Variants in CPEB3 observed in about 807,000 individuals in gnomAD.
CPEB3 encodes cytoplasmic polyadenylation element-binding protein 3.
In CPEB3, 20 loss-of-function variants were observed where a neutral mutation model predicts 67.2. That is an observed-to-expected ratio of 0.30 (90% CI 0.21 to 0.43). CPEB3 has a LOEUF of 0.43. CPEB3 is among the 20% of genes least tolerant of loss of function. The probability of loss-of-function intolerance (pLI) is 1.00; values close to 1 mark genes in which losing one functional copy is unlikely to be tolerated. For missense variants in CPEB3, 746 were observed against 968.6 expected, an observed-to-expected ratio of 0.77 and a Z score of 3.05; for synonymous variants, 376 against 393.1, an observed-to-expected ratio of 0.96 and a Z score of 0.51.
At chr10:92,237,690 A>G (rs1417977850) in intron 2 of CPEB3, among the ~76,000 whole-genome samples, 1 of 152,196 alleles carries the variant, frequency 6.6e-6, no homozygotes, top group Non-Finnish European at 1.5e-5. Context: ...CATGAGAATA[A>G]AGAGAGGGAA....
At chr10:92,110,778 C>T (rs183604619) in intron 7 of CPEB3, among the ~76,000 whole-genome samples, 85 of 152,268 alleles carry the variant, frequency 5.6e-4, no homozygotes, top group African/African-American at 1.9e-3. Flanking sequence ...CTGCCAAAAC[C>T]GCTAAGAGCA....
At chr10:92,190,664 T>C (rs868239205) in intron 3 of CPEB3, among the ~76,000 whole-genome samples, 1 of 25,810 alleles carries the variant, frequency 3.9e-5, no homozygotes, top group Non-Finnish European at 7.0e-5. Context: ...AAACTCCATC[T>C]CAAAAAAAAA....
chr10:92,126,933 G>C (rs1845630764), intron 6 of CPEB3, among the ~76,000 whole-genome samples: 1 of 152,108 alleles, frequency 6.6e-6, no homozygotes, highest in Non-Finnish European at 1.5e-5. Flanking sequence ...ATCAAGTAAT[G>C]AACTCATCAT....
rs1852186616 is a variant in CPEB3, at chr10:92,048,786, C to G, written c.*3426G>C. The G allele has an allele frequency of 6.6e-6, 1 of 152,488 alleles. No individual in the cohort carries two copies. Among genetic ancestry groups the G allele is most frequent in the Non-Finnish European group, 1.5e-5 (1 of 68,026 alleles). The allele number at this position is 152,488 out of a possible 1,614,324, so 9.4% of individuals were successfully genotyped here. On this transcript the variant is annotated 3_prime_UTR_variant, in exon 10 of 10. Coordinates refer to ENST00000265997, the MANE Select transcript of CPEB3 (RefSeq NM_014912.5). The surrounding 1 kb of genome is among the most constrained non-coding windows in gnomAD (Gnocchi z 4.1). ...GCTTTGCATTTCAAAAAACTAGACACTTTAGTAACAATATTACAAAGGTTT... is the reference window on the plus strand; with the variant it reads ...GCTTTGCATTTCAAAAAACTAGACAGTTTAGTAACAATATTACAAAGGTTT...
intron 2 of CPEB3, among the ~76,000 whole-genome samples, chr10:92,194,681 G>T (rs1396664907): frequency 6.6e-6 from 1 of 152,014 alleles, no homozygotes; most frequent in East Asian, 1.9e-4. Context: ...AAGCCTTCAG[G>T]AAACTATCAC....
chr10:92,137,720 T>C (rs1336506055), intron 6 of CPEB3: 10 of 411,278 alleles, frequency 2.4e-5, no homozygotes, highest in Admixed American at 1.6e-4. Flanking sequence ...TTGGCTCGGC[T>C]GGGTGCAGTG....
intron 1 of CPEB3, 103 bp from the exon 2 acceptor site, chr10:92,240,464 T>C: frequency 9.1e-7 from 1 of 1,096,510 alleles, no homozygotes. Flanking sequence ...TCGCCACCGC[T>C]ACTAGCCAAT....
chr10:92,161,160 G>T (rs201041978), intron 4 of CPEB3, among the ~76,000 whole-genome samples: 1 of 152,070 alleles, frequency 6.6e-6, no homozygotes, highest in Admixed American at 6.5e-5. Context: ...ATTGGTTCAT[G>T]ATGGTTGGGA....
rs886981890 is a variant in CPEB3, at chr10:92,177,943, G to A, written c.1222+3020C>T. Among the ~76,000 whole-genome samples the A allele has an allele frequency of 4.6e-5, 7 of 152,072 alleles. No homozygotes were observed. The South Asian group carries it at 6.2e-4, about 13-fold the overall frequency. ...GCAGCTTTCCATAGAGACCTAGGAA[G>A]CACAAATTTCACATAGCAAAAAAGG... On this transcript the variant is annotated intron_variant, in intron 4 of 9. Transcript: ENST00000265997.
At chr10:92,163,553 T>C (rs568430730) in intron 4 of CPEB3, among the ~76,000 whole-genome samples, 5 of 152,356 alleles carry the variant, frequency 3.3e-5, no homozygotes, top group Non-Finnish European at 5.9e-5. Flanking sequence ...TCAGCTTCCC[T>C]TGGAGTATTA....
chr10:92,088,760 C>A (rs1056898708), intron 8 of CPEB3, among the ~76,000 whole-genome samples: 1 of 152,170 alleles, frequency 6.6e-6, no homozygotes, highest in Non-Finnish European at 1.5e-5. Context: ...TAAAATCACA[C>A]CTGTTGAGTA....
intron 9 of CPEB3, among the ~76,000 whole-genome samples, chr10:92,060,114 T>C (rs1427454188): frequency 6.6e-6 from 1 of 151,872 alleles, no homozygotes; most frequent in Non-Finnish European, 1.5e-5. Context: ...CCTAGCACTT[T>C]GGGAGGCCGA....
At chr10:92,157,188 T>A (rs1448713353) in intron 4 of CPEB3, among the ~76,000 whole-genome samples, 2 of 152,196 alleles carry the variant, frequency 1.3e-5, no homozygotes, top group East Asian at 3.8e-4. Context: ...CATGGATAGC[T>A]TTTCACTTCC....
chr10:92,053,503 A>G (rs1378711787), intron 9 of CPEB3, among the ~76,000 whole-genome samples: 1 of 151,098 alleles, frequency 6.6e-6, no homozygotes, highest in Non-Finnish European at 1.5e-5. Context: ...AGCTGGGATT[A>G]CAGGAGTGCG....
At chr10:92,161,169 GAA>G (rs1267210583) in intron 4 of CPEB3, among the ~76,000 whole-genome samples, 7 of 152,258 alleles carry the variant, frequency 4.6e-5, no homozygotes, top group African/African-American at 1.7e-4. Flanking sequence ...TGATGGTTGG[GAA>G]CTCTGATATC....
At position 92,052,035 on chromosome 10, in the gene CPEB3, A is replaced by T. The variant is rs1841911873; in HGVS notation, c.*177T>A. The T allele has an allele frequency of 3.5e-6, 2 of 576,438 alleles. No homozygotes were observed. The highest frequency in any genetic ancestry group is 6.0e-5 in the Admixed American group (2 of 33,298). 35.7% of individuals were successfully genotyped at this position (576,438 alleles called of 1,614,324 possible). On this transcript the variant is annotated 3_prime_UTR_variant, in exon 10 of 10. Coordinates refer to ENST00000265997, the MANE Select transcript of CPEB3 (RefSeq NM_014912.5). ...TCTGCAATTCTGCATTATACTGGAC[A>T]CTGAGTTCAGTAATATGACTGTAAA...
In CPEB3 at chr10:92,175,064, A is replaced by G. The variant is rs191010531; in HGVS notation, c.1222+5899T>C. On this transcript the variant is annotated intron_variant, in intron 4 of 9. Coordinates refer to ENST00000265997, the MANE Select transcript of CPEB3 (RefSeq NM_014912.5). ...AGCAAAGGCTTAAGGAGATTCAGAA[A>G]CTTGCTCAACTAGATGCCATCATTA... is the stretch of plus-strand genomic sequence containing the variant. Among the ~76,000 whole-genome samples, 610 of 152,150 alleles carry G rather than the reference A, an allele frequency of 4.0e-3. 2 individuals carry two copies. Among genetic ancestry groups the G allele is most frequent in the Middle Eastern group, 6.8e-3 (2 of 294 alleles).
intron 9 of CPEB3, 76 bp from the exon 10 acceptor site, chr10:92,052,515 A>G (rs1044607551): frequency 2.0e-5 from 25 of 1,266,908 alleles, no homozygotes; most frequent in South Asian, 1.4e-4. Context: ...GAGAGTTTAC[A>G]CTATAGCTTC....
intron 1 of CPEB3, among the ~76,000 whole-genome samples, chr10:92,260,617 C>A (rs969599354): frequency 1.3e-5 from 2 of 151,102 alleles, no homozygotes; most frequent in Non-Finnish European, 3.0e-5. Context: ...TATTCTTCTT[C>A]TTTTTGAGGC....
Sources: allele counts gnomAD v4.1 joint callset (sites outside exome capture counted in the v4.1 genomes callset), GRCh38; gene constraint gnomAD v4.1.1; non-coding constraint Gnocchi (gnomAD v3.1); transcripts MANE v1.5; gene names NCBI Gene and HGNC (gene_info 2026-07-23, HGNC 2026-07-21).